NEMP2: variants seen among roughly 807,000 people sequenced by gnomAD.
The protein encoded by NEMP2 is UPF0571 transmembrane protein.
Under a neutral mutation model 54.2 loss-of-function variants are expected in NEMP2, and 53 were observed. The ratio of observed to expected loss-of-function variants is 0.98; its 90% CI spans 0.78 to 1.23. The LOEUF (loss-of-function observed/expected upper bound fraction) is 1.23, where lower values mean the gene tolerates loss of function less well. NEMP2 is among the 50% of genes most tolerant of loss of function. NEMP2 has a pLI of 0.00. For synonymous variants in NEMP2, 197 were observed against 190.3 expected, an observed-to-expected ratio of 1.04 and a Z score of -0.29; for missense variants, 455 against 511.3, an observed-to-expected ratio of 0.89 and a Z score of 1.06.
the NEMP2 span, among the ~76,000 whole-genome samples, chr2:190,438,123 C>T: frequency 6.6e-6 from 1 of 151,994 alleles, no homozygotes; most frequent in East Asian, 1.9e-4. This position sits in a 1 kb window ranked among gnomAD's most constrained non-coding sequence, Gnocchi z 5.2. Context: ...TGGGTTATTA[C>T]ATGACTCCCT....
downstream of NEMP2, chr2:190,501,819 G>A (rs553524801): frequency 2.6e-5 from 4 of 152,744 alleles, no homozygotes; most frequent in East Asian, 7.7e-4. Context: ...GTACTGTACT[G>A]TAAATTATGA....
At chr2:190,439,408 G>A in the NEMP2 span, among the ~76,000 whole-genome samples, 1 of 151,768 alleles carries the variant, frequency 6.6e-6, no homozygotes, top group African/African-American at 2.4e-5. This position sits in a 1 kb window ranked among gnomAD's most constrained non-coding sequence, Gnocchi z 5.8. Context: ...TAGGGTACAC[G>A]TGCACAACGT....
chr2:190,636,429 T>C, the NEMP2 span, among the ~76,000 whole-genome samples: 4 of 152,312 alleles, frequency 2.6e-5, no homozygotes, highest in African/African-American at 4.8e-5. Flanking sequence ...TTCAGAAGGA[T>C]TAAAGTTTGG....
chr2:190,458,748 G>A, the NEMP2 span, among the ~76,000 whole-genome samples: 1 of 152,180 alleles, frequency 6.6e-6, no homozygotes, highest in Non-Finnish European at 1.5e-5. The surrounding 1 kb of genome is among the most constrained non-coding windows in gnomAD (Gnocchi z 5.3). Flanking sequence ...AAGTAAAATG[G>A]GGACTGTATT....
the NEMP2 span, among the ~76,000 whole-genome samples, chr2:190,600,284 A>G: frequency 6.6e-6 from 1 of 152,158 alleles, no homozygotes; most frequent in African/African-American, 2.4e-5. This position sits in a 1 kb window ranked among gnomAD's most constrained non-coding sequence, Gnocchi z 4.9. Flanking sequence ...ACTAGAAGAT[A>G]CTGGGGGAGG....
At chr2:190,475,271 A>G in the NEMP2 span, among the ~76,000 whole-genome samples, 7 of 152,362 alleles carry the variant, frequency 4.6e-5, 1 homozygote, top group South Asian at 1.4e-3. Flanking sequence ...GAGGAAGTCA[A>G]ATTATCCCTG....
chr2:190,445,934 G>A, the NEMP2 span, among the ~76,000 whole-genome samples: 1 of 152,062 alleles, frequency 6.6e-6, no homozygotes, highest in Non-Finnish European at 1.5e-5. Flanking sequence ...TTTTTATCGG[G>A]ATAGGTGATT....
chr2:190,542,742 T>C, the NEMP2 span, among the ~76,000 whole-genome samples: 1 of 152,238 alleles, frequency 6.6e-6, no homozygotes, highest in Non-Finnish European at 1.5e-5. This position sits in a 1 kb window ranked among gnomAD's most constrained non-coding sequence, Gnocchi z 4.6. Context: ...TTTAAAATTA[T>C]TTTAATCTCT....
chr2:190,480,314 A>T, the NEMP2 span, among the ~76,000 whole-genome samples: 5 of 152,268 alleles, frequency 3.3e-5, no homozygotes, highest in Admixed American at 3.3e-4. Context: ...AGAGATGTAC[A>T]TATAGGAAGA....
chr2:190,430,865 G>A, the NEMP2 span, among the ~76,000 whole-genome samples: 3 of 149,382 alleles, frequency 2.0e-5, no homozygotes, highest in African/African-American at 4.9e-5. Flanking sequence ...CCTCCCTCCC[G>A]GACGGGGCGG....
At chr2:190,626,376 A>G in the NEMP2 span, 1 of 152,184 alleles carries the variant, frequency 6.6e-6, no homozygotes, top group Non-Finnish European at 1.5e-5. The surrounding 1 kb of genome is among the most constrained non-coding windows in gnomAD (Gnocchi z 4.5). Flanking sequence ...AAAATGAATA[A>G]CAAATGGAAT....
At position 190,531,684 on chromosome 2, in the gene NEMP2, A is replaced by G. The variant is rs1691150052; in HGVS notation, c.97+2875T>C. Among the ~76,000 whole-genome samples the G allele has an allele frequency of 6.6e-6, 1 of 152,214 alleles. No homozygotes were observed. Among genetic ancestry groups the G allele is most frequent in the Non-Finnish European group, 1.5e-5 (1 of 68,044 alleles). ...TAGAATTACATATCTAGTATAAAAA[A>G]GGGACAGCTACATATCACCTAATTA... is the stretch of plus-strand genomic sequence containing the variant. On this transcript the variant is annotated intron_variant, in intron 1 of 8. Coordinates refer to ENST00000409150, the MANE Select transcript of NEMP2 (RefSeq NM_001142645.2). This position sits in a 1 kb window ranked among gnomAD's most constrained non-coding sequence, Gnocchi z 4.7.
the NEMP2 span, among the ~76,000 whole-genome samples, chr2:190,598,646 T>C: frequency 2.0e-5 from 3 of 152,258 alleles, no homozygotes; most frequent in Admixed American, 6.5e-5. Context: ...TAGGCTTTAC[T>C]GCGATTCTCA....
rs13392968 is a variant in NEMP2, at chr2:190,506,315, A to G, written c.*2874T>C. The G allele has an allele frequency of 0.32, 48,476 of 152,116 alleles. 8,098 individuals carry two copies. Among genetic ancestry groups the G allele is most frequent in the East Asian group, 0.45 (2,329 of 5,146 alleles). 9.4% of individuals were successfully genotyped at this position (152,116 alleles called of 1,614,324 possible). On this transcript the variant is annotated 3_prime_UTR_variant, in exon 9 of 9. Transcript: ENST00000409150. This position sits in a 1 kb window ranked among gnomAD's most constrained non-coding sequence, Gnocchi z 6.3. ...CAGGTGTCTTCAAACTTCCACATCC[A>G]TTATGTTGTCTATCTTGCTTTCAGT... is the stretch of plus-strand genomic sequence containing the variant.
the NEMP2 span, among the ~76,000 whole-genome samples, chr2:190,458,695 C>A: frequency 6.6e-6 from 1 of 152,160 alleles, no homozygotes; most frequent in Non-Finnish European, 1.5e-5. The surrounding 1 kb of genome is among the most constrained non-coding windows in gnomAD (Gnocchi z 5.3). Context: ...TCACTTGAGA[C>A]TCTTTCAGTG....
chr2:190,506,409 T>G lies in NEMP2; in HGVS notation c.*2780A>C, dbSNP rs1217507332. Reference sequence around the variant, plus strand: ...TGGGAAACAATCACACATAGCATAATGTAAGAGAGCATTTCTTTAGTTGAC... The same window carrying G: ...TGGGAAACAATCACACATAGCATAAGGTAAGAGAGCATTTCTTTAGTTGAC... On this transcript the variant is annotated 3_prime_UTR_variant, in exon 9 of 9. Transcript: ENST00000409150. The surrounding 1 kb of genome is among the most constrained non-coding windows in gnomAD (Gnocchi z 6.3). 1 of 152,244 alleles carries G rather than the reference T, an allele frequency of 6.6e-6. No homozygotes were observed. The highest frequency in any genetic ancestry group is 1.9e-4 in the East Asian group (1 of 5,202). 9.4% of individuals were successfully genotyped at this position (152,244 alleles called of 1,614,324 possible). A position where few individuals can be genotyped will look rare whatever the true frequency, so the allele number is the denominator to read the frequency against.
chr2:190,575,942 CT>C, the NEMP2 span, among the ~76,000 whole-genome samples: 3 of 150,550 alleles, frequency 2.0e-5, no homozygotes, highest in African/African-American at 7.3e-5. Flanking sequence ...TTTTAGTGAC[CT>C]ATATTCATGA....
intron 5 of NEMP2, 54 bp downstream of exon 5, chr2:190,517,466 T>G: frequency 8.0e-7 from 1 of 1,249,562 alleles, no homozygotes; most frequent in Non-Finnish European, 1.1e-6. Flanking sequence ...TAATTTTTCA[T>G]GTCTGTAAGA....
the NEMP2 span, among the ~76,000 whole-genome samples, chr2:190,585,277 C>A: frequency 6.6e-6 from 1 of 152,054 alleles, no homozygotes; most frequent in Non-Finnish European, 1.5e-5. The surrounding 1 kb of genome is among the most constrained non-coding windows in gnomAD (Gnocchi z 5.3). Flanking sequence ...TGTTTACTAC[C>A]CACTGTATAA....
Sources: allele counts gnomAD v4.1 joint callset (sites outside exome capture counted in the v4.1 genomes callset), GRCh38; gene constraint gnomAD v4.1.1; non-coding constraint Gnocchi (gnomAD v3.1); transcripts MANE v1.5; gene names NCBI Gene and HGNC (gene_info 2026-07-23, HGNC 2026-07-21).